Variants in GLYATL2 observed in about 807,000 individuals in gnomAD.
GLYATL2 encodes glycine-N-acyltransferase like 2, also known as glycine N-acyltransferase-like protein 2.
Under a neutral mutation model 21.4 loss-of-function variants are expected in GLYATL2, and 25 were observed. That is an observed-to-expected ratio of 1.17 (90% CI 0.85 to 1.63). The LOEUF (loss-of-function observed/expected upper bound fraction) is 1.63, where lower values mean the gene tolerates loss of function less well. Among genes scored for constraint, GLYATL2 ranks in the 40% most tolerant of loss-of-function variants. GLYATL2 has a pLI of 0.00. For synonymous variants in GLYATL2, 114 were observed against 118.2 expected (o/e 0.96, Z 0.23); for missense variants, 361 against 343.3 (o/e 1.05, Z -0.41).
At chr11:58,859,514 T>A (rs1853894539) in intron 1 of GLYATL2, among the ~76,000 whole-genome samples, 2 of 152,222 alleles carry the variant, frequency 1.3e-5, no homozygotes, top group African/African-American at 2.4e-5. Flanking sequence ...ATTTTAAATA[T>A]TAACCTCTTT....
chr11:58,875,114 T>C (rs1854202927), intron 1 of GLYATL2, among the ~76,000 whole-genome samples: 2 of 152,114 alleles, frequency 1.3e-5, no homozygotes, highest in Admixed American at 1.3e-4. Context: ...ATTACAACCC[T>C]TGCCTTTTTT....
At chr11:58,861,669 CT>C (rs1288795604) in intron 1 of GLYATL2, among the ~76,000 whole-genome samples, 2 of 151,000 alleles carry the variant, frequency 1.3e-5, no homozygotes, top group South Asian at 4.2e-4. Flanking sequence ...TAAGATCTTT[CT>C]TTTTTTTCAA....
At chr11:58,845,493 C>T (rs895372832), upstream of GLYATL2, among the ~76,000 whole-genome samples, 14 of 152,066 alleles carry the variant, frequency 9.2e-5, no homozygotes, top group African/African-American at 3.4e-4. Flanking sequence ...GTCCCAACTA[C>T]TCAGCAGACT....
chr11:58,898,330 G>C (rs1051926045), intron 1 of GLYATL2, among the ~76,000 whole-genome samples: 3 of 152,008 alleles, frequency 2.0e-5, no homozygotes, highest in Non-Finnish European at 4.4e-5. Flanking sequence ...AGTTCCAGAT[G>C]GTCAGAATTT....
At chr11:58,872,203 G>C (rs567584994) in intron 1 of GLYATL2, among the ~76,000 whole-genome samples, 1 of 152,078 alleles carries the variant, frequency 6.6e-6, no homozygotes, top group Non-Finnish European at 1.5e-5. Context: ...CAGATGAGTA[G>C]GTTGCGAAAA....
At chr11:58,841,827 A>G (rs1853558586) in intron 1 of GLYATL2, among the ~76,000 whole-genome samples, 1 of 152,222 alleles carries the variant, frequency 6.6e-6, no homozygotes, top group Admixed American at 6.5e-5. Flanking sequence ...CTGAGAAGCT[A>G]AAAGATATGA....
chr11:58,893,051 C>A, intron 1 of GLYATL2: 1 of 377,434 alleles, frequency 2.6e-6, no homozygotes, highest in East Asian at 4.5e-5. Context: ...AGTAAAACTC[C>A]CAATTTTAAA....
chr11:58,877,058 G>A (rs1854247483), intron 1 of GLYATL2, among the ~76,000 whole-genome samples: 1 of 152,378 alleles, frequency 6.6e-6, no homozygotes. Context: ...AGCAATGAGT[G>A]AGGCTCGGTA....
intron 5 of GLYATL2, among the ~76,000 whole-genome samples, chr11:58,835,239 A>G (rs1853408716): frequency 6.6e-6 from 1 of 152,228 alleles, no homozygotes; most frequent in South Asian, 2.1e-4. Context: ...AGATATCTAA[A>G]TATACAAGAT....
At chr11:58,873,318 C>T (rs1183164750) in intron 1 of GLYATL2, among the ~76,000 whole-genome samples, 2 of 151,906 alleles carry the variant, frequency 1.3e-5, no homozygotes, top group Non-Finnish European at 2.9e-5. Flanking sequence ...ACTTCCAACA[C>T]TATGTTGAAT....
At chr11:58,841,126 T>G (rs1260672392) in intron 1 of GLYATL2, among the ~76,000 whole-genome samples, 1 of 152,056 alleles carries the variant, frequency 6.6e-6, no homozygotes, top group African/African-American at 2.4e-5. Flanking sequence ...AACCAACAAA[T>G]AGAAAATTTT....
intron 1 of GLYATL2, among the ~76,000 whole-genome samples, chr11:58,901,456 C>T (rs1590758245): frequency 6.6e-6 from 1 of 152,098 alleles, no homozygotes; most frequent in African/African-American, 2.4e-5. Context: ...TCCCAGAATC[C>T]CCATTAAAAC....
At chr11:58,881,298 A>T (rs1361978117) in intron 1 of GLYATL2, among the ~76,000 whole-genome samples, 8 of 152,214 alleles carry the variant, frequency 5.3e-5, no homozygotes, top group Admixed American at 5.2e-4. Context: ...GAAGTAGGAG[A>T]CAGAACTGAA....
At chr11:58,843,326 C>T (rs1486500543) in intron 1 of GLYATL2, among the ~76,000 whole-genome samples, 1 of 152,078 alleles carries the variant, frequency 6.6e-6, no homozygotes, top group Non-Finnish European at 1.5e-5. Context: ...TTATGGGAAA[C>T]AGTTAGGGTT....
At chr11:58,872,097 G>C (rs569232886) in intron 1 of GLYATL2, among the ~76,000 whole-genome samples, 1 of 152,238 alleles carries the variant, frequency 6.6e-6, no homozygotes, top group Non-Finnish European at 1.5e-5. Flanking sequence ...AGAATTGTCT[G>C]TTCATATCCT....
At chr11:58,837,470 G>T in intron 3 of GLYATL2, 73 bp from the exon 4 acceptor site, 1 of 1,369,898 alleles carries the variant, frequency 7.3e-7, no homozygotes, top group African/African-American at 1.4e-5. Context: ...GGTCTAGAGT[G>T]CTAGAGATTC....
At chr11:58,886,288 T>C (rs1854438518) in intron 1 of GLYATL2, among the ~76,000 whole-genome samples, 1 of 152,242 alleles carries the variant, frequency 6.6e-6, no homozygotes, top group South Asian at 2.1e-4. Context: ...GTCAACTATA[T>C]GGAAGCACGT....
intron 1 of GLYATL2, among the ~76,000 whole-genome samples, chr11:58,864,362 CATTAA>C (rs56001071): frequency 0.89 from 129,387 of 145,640 alleles, 58,713 homozygotes; most frequent in Non-Finnish European, 0.98. Context: ...GTAGATCTGG[CATTAA>C]ATTAAGATGT....
At chr11:58,874,146 C>G (rs1401375492) in intron 1 of GLYATL2, among the ~76,000 whole-genome samples, 2 of 151,884 alleles carry the variant, frequency 1.3e-5, no homozygotes, top group Admixed American at 1.3e-4. Context: ...TCCCCTTTGT[C>G]ATTTTTTTAT....
Sources: gnomAD v4.1 joint callset for allele counts (sites outside exome capture counted in the v4.1 genomes callset) on GRCh38, gnomAD v4.1.1 for gene constraint, MANE v1.5 for transcripts, NCBI Gene and HGNC (gene_info 2026-07-23, HGNC 2026-07-21) for gene names.